ESPL1: variants seen among roughly 807,000 people sequenced by gnomAD.
ESPL1 encodes the protein extra spindle pole bodies like 1, separase, also known as separin.
In ESPL1, 50 loss-of-function variants were observed where a neutral mutation model predicts 217.2. The observed-to-expected ratio is 0.23, with a 90% confidence interval of 0.18 to 0.29. The LOEUF (loss-of-function observed/expected upper bound fraction) is 0.29, where lower values mean the gene tolerates loss of function less well. Among genes scored for constraint, ESPL1 ranks in the 10% least tolerant of loss-of-function variants. The pLI is 1.00. For synonymous variants in ESPL1, 994 were observed against 1,081.3 expected, an observed-to-expected ratio of 0.92 and a Z score of 1.58; for missense variants, 1,834 against 2,603.0, an observed-to-expected ratio of 0.70 and a Z score of 6.43.
chr12:53,293,459 T>C lies in ESPL1; in HGVS notation c.6348T>C (p.Pro2116=), dbSNP rs747899115. 1 of 1,613,816 alleles carries C rather than the reference T, an allele frequency of 6.2e-7. No homozygotes were observed. Among genetic ancestry groups the C allele is most frequent in the Non-Finnish European group, 8.5e-7 (1 of 1,179,830 alleles). ...CTGCACCTATAGCCTATGGCTTGCC[T>C]GTCTCTCTGCGGTAACCCCATGGAG... ...IGAAPIAYGL[P]VSLR is the part of the protein sequence containing the mutation. Residue 2116 remains proline (P), a synonymous_variant, in exon 31 of 31, where the codon CCT becomes CCC. Transcript: ENST00000257934. This position sits in a 1 kb window ranked among gnomAD's most constrained non-coding sequence, Gnocchi z 4.2.
rs1028176798 is a variant in ESPL1, at chr12:53,279,618, C to A, written c.2365-114C>A. The A allele has an allele frequency of 2.2e-5, 28 of 1,253,572 alleles. No homozygotes were observed. In the East Asian group the frequency reaches 5.7e-4, roughly 26 times the overall value. The allele number at this position is 1,253,572 out of a possible 1,614,324, so 77.7% of individuals were successfully genotyped here. On this transcript the variant is annotated intron_variant, in intron 11 of 30. Coordinates refer to ENST00000257934, the MANE Select transcript of ESPL1 (RefSeq NM_012291.5). ...TTGCTTCATCTGGGTAACTACATTC[C>A]ACCCAGGCCCTGAGGTCAAACTACA...
At position 53,274,825 on chromosome 12, in the gene ESPL1, G is replaced by A. The variant is rs1408250364; in HGVS notation, c.1515G>A (p.Arg505=). Residue 505 remains arginine (R), a synonymous_variant, in exon 7 of 31, where the codon AGG becomes AGA. Coordinates refer to ENST00000257934, the MANE Select transcript of ESPL1 (RefSeq NM_012291.5). ...YPEVPPEKLH[R]CFRLQVESLK... ...TCCCTTTCTCTGGTCAGTTGCACAG[G>A]TGCTTCCGGCTACAAGTAGAGAGTT... 6.2e-7 allele frequency: 1 copy of A among 1,613,848 alleles called. No homozygotes were observed. The highest frequency in any genetic ancestry group is 1.1e-5 in the South Asian group (1 of 91,042).
rs1394797452 is a variant in ESPL1, at chr12:53,285,690, CAG to C, written c.3188-226_3188-225del. 4.0e-5 allele frequency among the ~76,000 whole-genome samples: 6 copies of C among 148,228 alleles called. No individual in the cohort carries two copies. The East Asian group carries it at 7.9e-4, about 20-fold the overall frequency. Reference sequence around the variant, plus strand: ...TGCCACTGCACTCCAGCCTGGGCGACAGAGAGAGACTCCATCTCAAAAAAAAA... The same window carrying C: ...TGCCACTGCACTCCAGCCTGGGCGACAGAGAGACTCCATCTCAAAAAAAAA... On this transcript the variant is annotated intron_variant, in intron 17 of 30. Coordinates refer to ENST00000257934, the MANE Select transcript of ESPL1 (RefSeq NM_012291.5).
intron 4 of ESPL1, 94 bp downstream of exon 4, chr12:53,270,576 T>C (rs1447019988): frequency 1.4e-5 from 8 of 558,696 alleles, no homozygotes; most frequent in Non-Finnish European, 1.8e-5. Context: ...TCCACTGCCC[T>C]CAAACAGCTT....
At position 53,283,556 on chromosome 12, in the gene ESPL1, G is replaced by T. The variant is rs774107859; in HGVS notation, c.3077+18G>T. The T allele has an allele frequency of 6.2e-7, 1 of 1,606,970 alleles. No homozygotes were observed. The highest frequency in any genetic ancestry group is 8.5e-7 in the Non-Finnish European group (1 of 1,176,504). On this transcript the variant is annotated intron_variant, in intron 16 of 30. Transcript: ENST00000257934. ...CCACGCCAGTAAGTACAGGGCCAGA[G>T]GATATGGCAATGATGGCACCAAAGT... is the stretch of plus-strand genomic sequence containing the variant.
rs757810442 is a variant in ESPL1, at chr12:53,269,913, A to G, written c.971A>G (p.Lys324Arg). 2 of 1,614,172 alleles carry G rather than the reference A, an allele frequency of 1.2e-6. No individual in the cohort carries two copies. The highest frequency in any genetic ancestry group is 1.1e-5 in the South Asian group (1 of 91,082). ...ATCAAGGCATCAGCTGTCCTGAGCA[A>G]GAGTATGGAGGCACCATCACCCCCA... ...LLIKASAVLS[K>R]SMEAPSPPLR... Residue 324 changes from lysine to arginine, a missense_variant, in exon 3 of 31, where the codon AAG becomes AGG. Around this residue, in one of 5 missense-constraint regions of ESPL1, gnomAD observed 746 missense variants for 1,077.0 expected, o/e 0.69. Transcript: ENST00000257934. The surrounding 1 kb of genome is among the most constrained non-coding windows in gnomAD (Gnocchi z 6.7).
chr12:53,274,724 TGTG>T, intron 6 of ESPL1, 90 bp from the exon 7 acceptor site: 1 of 1,021,084 alleles, frequency 9.8e-7, no homozygotes. Context: ...CGCCCCCTCA[TGTG>T]GTGTATGTAC....
At position 53,286,702 on chromosome 12, in the gene ESPL1, G is replaced by C. The variant is rs146081392; in HGVS notation, c.3966G>C (p.Lys1322Asn). 6.2e-7 allele frequency: 1 copy of C among 1,614,030 alleles called. No individual in the cohort carries two copies. The highest frequency in any genetic ancestry group is 1.3e-5 in the African/African-American group (1 of 74,928). Residue 1322 changes from lysine (K) to asparagine (N), a missense_variant, in exon 18 of 31, where the codon AAG (lysine) becomes AAC (asparagine). This residue lies in a region of ESPL1 where 681 missense variants were observed against 808.0 expected (regional missense o/e 0.84). Transcript: ENST00000257934. The surrounding 1 kb of genome is among the most constrained non-coding windows in gnomAD (Gnocchi z 5.3). ...GQKRSGRGRQ[K>N]LASAPLRLNN... ...AACGTTCTGGACGAGGGCGCCAAAA[G>C]TTAGCCTCTGCTCCCCTGCGCCTCA...
intron 12 of ESPL1, among the ~76,000 whole-genome samples, chr12:53,281,291 C>A (rs1396390784): frequency 1.3e-5 from 2 of 151,912 alleles, no homozygotes; most frequent in African/African-American, 4.8e-5. Flanking sequence ...GCGCGTGCCA[C>A]CACACCTGGC....
At position 53,293,056 on chromosome 12, in the gene ESPL1, C is replaced by T; in HGVS notation, c.6161+86C>T. The T allele has an allele frequency of 1.5e-6, 2 of 1,330,944 alleles. No homozygotes were observed. The highest frequency in any genetic ancestry group is 2.1e-6 in the Non-Finnish European group (2 of 963,116). 82.4% of individuals were successfully genotyped at this position (1,330,944 alleles called of 1,614,324 possible). On this transcript the variant is annotated intron_variant, in intron 30 of 30. Transcript: ENST00000257934. The surrounding 1 kb of genome is among the most constrained non-coding windows in gnomAD (Gnocchi z 4.2). ...TCTTTCCCAGGTCTGAATCTTGCCT[C>T]TCTTGTGCCCCATTTTCCTCCTATC... is the stretch of plus-strand genomic sequence containing the variant.
chr12:53,284,031 T>C (rs182841822), intron 16 of ESPL1, 27 bp from the exon 17 acceptor site: 2 of 1,489,694 alleles, frequency 1.3e-6, no homozygotes, highest in East Asian at 2.3e-5. Context: ...ATTCCTCTGA[T>C]TGGTTCTCCT....
At chr12:53,279,110 C>T (rs983742408) in intron 11 of ESPL1, among the ~76,000 whole-genome samples, 1 of 152,108 alleles carries the variant, frequency 6.6e-6, no homozygotes, top group South Asian at 2.1e-4. Context: ...AGGCTGATCT[C>T]GAACTCCTGA....
At chr12:53,287,450 C>T (rs1003526045) in intron 18 of ESPL1, 1 of 153,736 alleles carries the variant, frequency 6.5e-6, no homozygotes. Flanking sequence ...TTACTGCAAC[C>T]TCCACCTCCC....
In ESPL1 at chr12:53,290,109, T is replaced by C. The variant is rs1347103921; in HGVS notation, c.5138T>C (p.Leu1713Pro). Residue 1713 changes from leucine to proline, a missense_variant, in exon 23 of 31, where the codon CTG becomes CCG. By Grantham distance (98) the Leu-to-Pro change is moderately conservative (BLOSUM62 -3). Transcript: ENST00000257934. ...GGGGTGACTGTGTGTGTGTTGGCCC[T>C]GGCCACCCTCCAGCCCGGAACCGTG... Reference protein sequence around the residue: ...PSGVTVCVLALATLQPGTVGN... With the variant: ...PSGVTVCVLAPATLQPGTVGN... 3 of 1,613,082 alleles carry C rather than the reference T, an allele frequency of 1.9e-6. No homozygotes were observed. Among genetic ancestry groups the C allele is most frequent in the Non-Finnish European group, 2.5e-6 (3 of 1,180,012 alleles).
chr12:53,272,242 A>G (rs1262886696), intron 5 of ESPL1, among the ~76,000 whole-genome samples: 2 of 152,212 alleles, frequency 1.3e-5, no homozygotes, highest in African/African-American at 4.8e-5. Context: ...AAATAAGTGA[A>G]TTATCAACAT....
chr12:53,270,274 G>T (rs1377878207), intron 3 of ESPL1, 104 bp from the exon 4 acceptor site: 5 of 995,850 alleles, frequency 5.0e-6, no homozygotes, highest in Admixed American at 3.5e-5. Context: ...GTCCTTCCTC[G>T]TGCTCCCTGG....
chr12:53,283,428 C>T lies in ESPL1; in HGVS notation c.2967C>T (p.Ser989=), dbSNP rs750004246. Residue 989 remains serine, a synonymous_variant, in exon 16 of 31, where the codon AGC becomes AGT. Coordinates refer to ENST00000257934, the MANE Select transcript of ESPL1 (RefSeq NM_012291.5). ...GGCAGGTTCTTTCAGAGGTGCTGAG[C>T]TGCTCAGAGAAGCTGGTCTGCCACC... The part of the protein sequence containing the change: ...QKWQVLSEVL[S]CSEKLVCHLG... 6 of 1,614,050 alleles carry T rather than the reference C, an allele frequency of 3.7e-6. No homozygotes were observed. The highest frequency in any genetic ancestry group is 5.1e-6 in the Non-Finnish European group (6 of 1,180,014).
At chr12:53,273,153 C>T (rs1943707468) in intron 6 of ESPL1, among the ~76,000 whole-genome samples, 1 of 151,690 alleles carries the variant, frequency 6.6e-6, no homozygotes, top group Admixed American at 6.6e-5. Flanking sequence ...ATTCTCCTGC[C>T]TCAGCCTCCC....
In ESPL1 at chr12:53,277,879, G is replaced by C; in HGVS notation, c.2283G>C (p.Gly761=). The C allele has an allele frequency of 6.2e-7, 1 of 1,614,208 alleles. No individual in the cohort carries two copies. Among genetic ancestry groups the C allele is most frequent in the Non-Finnish European group, 8.5e-7 (1 of 1,180,044 alleles). ...LALWKELLTK[G]QAPAVRCLQQ... Reference sequence around the variant, plus strand: ...TGTGGAAGGAGCTGCTTACAAAGGGGCAGGCCCCAGCTGTACGGTGTCTCC... The same window carrying C: ...TGTGGAAGGAGCTGCTTACAAAGGGCCAGGCCCCAGCTGTACGGTGTCTCC... Residue 761 remains glycine (G), a synonymous_variant, in exon 11 of 31, where the codon GGG becomes GGC. Coordinates refer to ENST00000257934, the MANE Select transcript of ESPL1 (RefSeq NM_012291.5).
Sources: gnomAD v4.1 joint callset for allele counts (sites outside exome capture counted in the v4.1 genomes callset) on GRCh38, gnomAD v4.1.1 for gene constraint, gnomAD v4.1.1 regional missense constraint, Gnocchi (gnomAD v3.1) non-coding constraint, MANE v1.5 for transcripts, NCBI Gene and HGNC (gene_info 2026-07-23, HGNC 2026-07-21) for gene names.